Variants in CDKN2AIP observed in about 807,000 individuals in gnomAD.
CDKN2AIP encodes the protein CDKN2A interacting protein.
Under a neutral mutation model 44.1 loss-of-function variants are expected in CDKN2AIP, and 12 were observed. The ratio of observed to expected loss-of-function variants is 0.27; its 90% CI spans 0.17 to 0.44. The LOEUF (loss-of-function observed/expected upper bound fraction) is 0.44. Ranked by LOEUF, CDKN2AIP falls within the 20% of genes least tolerant of loss-of-function variation. CDKN2AIP has a pLI of 1.00. For missense variants in CDKN2AIP, 705 were observed against 681.6 expected (o/e 1.03, Z -0.38); for synonymous variants, 291 against 272.1 (o/e 1.07, Z -0.68).
At position 183,449,064 on chromosome 4, in the gene CDKN2AIP, A is replaced by G. The variant is rs1015412465; in HGVS notation, c.*1637A>G. Reference sequence around the variant, plus strand: ...CAAATAAATTTATATAATATATCCAATTAGGTGGTTTGGTAATTTCCTAAA... The same window carrying G: ...CAAATAAATTTATATAATATATCCAGTTAGGTGGTTTGGTAATTTCCTAAA... On this transcript the variant is annotated 3_prime_UTR_variant, in exon 3 of 3. Transcript: ENST00000504169. Among the ~76,000 whole-genome samples, 1 of 152,144 alleles carries G rather than the reference A, an allele frequency of 6.6e-6. No homozygotes were observed. Among genetic ancestry groups the G allele is most frequent in the Non-Finnish European group, 1.5e-5 (1 of 67,990 alleles).
In CDKN2AIP at chr4:183,446,799, C is replaced by T. The variant is rs1418537653; in HGVS notation, c.1115C>T (p.Ala372Val). The T allele has an allele frequency of 6.2e-7, 1 of 1,614,204 alleles. No individual in the cohort carries two copies. ...TCCCAGGTAGCTGCATCACTACTAG[C>T]TTCCAAGAGCAGCTCCCAGACCAGT... is the stretch of plus-strand genomic sequence containing the variant. Reference protein sequence around the residue: ...STSQVAASLLASKSSSQTSGS... With the variant: ...STSQVAASLLVSKSSSQTSGS... Residue 372 changes from alanine (A) to valine (V), a missense_variant, in exon 3 of 3, where the codon GCT (alanine) becomes GTT (valine). Coordinates refer to ENST00000504169, the MANE Select transcript of CDKN2AIP (RefSeq NM_017632.4).
chr4:183,444,669 T>G lies in CDKN2AIP; in HGVS notation c.-129T>G, dbSNP rs1347088291. 5 of 888,074 alleles carry G rather than the reference T, an allele frequency of 5.6e-6. No homozygotes were observed. The highest frequency in any genetic ancestry group is 3.1e-5 in the East Asian group (1 of 31,768). 55.0% of individuals were successfully genotyped at this position (888,074 alleles called of 1,614,324 possible). On this transcript the variant is annotated 5_prime_UTR_variant, in exon 1 of 3. Transcript: ENST00000504169. ...GTTCGGCGGCTCTGGGCGCTGTTGT[T>G]TGGTCTTTAGGCCTGCGGAGGGGCG...
rs762284526 is a variant in CDKN2AIP at position 183,444,999 on chromosome 4, C to G, written c.202C>G (p.Arg68Gly). ...AGCTGCCGACGCCGAGAGCGGGACC[C>G]GAAACCGGCAGCTGCAGCAGCTCAT... ...DEAADAESGT[R>G]NRQLQQLISF... Residue 68 changes from arginine to glycine, a missense_variant, in exon 1 of 3, where the codon CGA becomes GGA. Arg to Gly is a moderately radical substitution (Grantham distance 125). This residue lies in a region of CDKN2AIP where 592 missense variants were observed against 518.0 expected (regional missense o/e 1.14). Coordinates refer to ENST00000504169, the MANE Select transcript of CDKN2AIP (RefSeq NM_017632.4). 3 of 1,602,998 alleles carry G rather than the reference C, an allele frequency of 1.9e-6. No homozygotes were observed. Among genetic ancestry groups the G allele is most frequent in the Non-Finnish European group, 2.6e-6 (3 of 1,173,598 alleles).
chr4:183,447,690 C>T lies in CDKN2AIP; in HGVS notation c.*263C>T, dbSNP rs1733713038. ...ATACTGTCTTCTATTTTTAATGATA[C>T]ATTAGGTACGATGTGTAGTTCGGTA... is the stretch of plus-strand genomic sequence containing the variant. On this transcript the variant is annotated 3_prime_UTR_variant, in exon 3 of 3. Transcript: ENST00000504169. The T allele has an allele frequency of 3.7e-6, 1 of 268,928 alleles. No individual in the cohort carries two copies. Among genetic ancestry groups the T allele is most frequent in the East Asian group, 6.6e-5 (1 of 15,262 alleles). The allele number at this position is 268,928 out of a possible 1,614,324, so 16.7% of individuals were successfully genotyped here.
rs1733719126 is a variant in CDKN2AIP at position 183,448,001 on chromosome 4, T to A, written c.*574T>A. ...AGTACTTGTTATTTTACTCTGAAGTTGTTTAAAATTCACCATGACTTTGAC... is the reference window on the plus strand; with the variant it reads ...AGTACTTGTTATTTTACTCTGAAGTAGTTTAAAATTCACCATGACTTTGAC... On this transcript the variant is annotated 3_prime_UTR_variant, in exon 3 of 3. Coordinates refer to ENST00000504169, the MANE Select transcript of CDKN2AIP (RefSeq NM_017632.4). 6.6e-6 allele frequency: 1 copy of A among 152,182 alleles called. No homozygotes were observed. The highest frequency in any genetic ancestry group is 1.5e-5 in the Non-Finnish European group (1 of 68,000). 9.4% of individuals were successfully genotyped at this position (152,182 alleles called of 1,614,324 possible).
rs891483492 is a variant in CDKN2AIP, at chr4:183,448,971, T to A, written c.*1544T>A. Among the ~76,000 whole-genome samples, 38 of 152,176 alleles carry A rather than the reference T, an allele frequency of 2.5e-4. No homozygotes were observed. Among genetic ancestry groups the A allele is most frequent in the African/African-American group, 9.2e-4 (38 of 41,438 alleles). Reference sequence around the variant, plus strand: ...GTGAAAGCACTTTTAGTTACCTCACTTTCCTCAGTCTTGGAATGTGTATTT... The same window carrying A: ...GTGAAAGCACTTTTAGTTACCTCACATTCCTCAGTCTTGGAATGTGTATTT... On this transcript the variant is annotated 3_prime_UTR_variant, in exon 3 of 3. Coordinates refer to ENST00000504169, the MANE Select transcript of CDKN2AIP (RefSeq NM_017632.4).
chr4:183,447,604 G>A lies in CDKN2AIP; in HGVS notation c.*177G>A. On this transcript the variant is annotated 3_prime_UTR_variant, in exon 3 of 3. Transcript: ENST00000504169. The stretch of plus-strand genomic sequence containing the variant: ...AGTTGTAAATAATTTATGAATGACA[G>A]TACACATTAAAAGGTATGCATTAGC... 1 of 487,222 alleles carries A rather than the reference G, an allele frequency of 2.1e-6. No individual in the cohort carries two copies. The highest frequency in any genetic ancestry group is 3.6e-6 in the Non-Finnish European group (1 of 277,008). The allele number at this position is 487,222 out of a possible 1,614,324, so 30.2% of individuals were successfully genotyped here. A position where few individuals can be genotyped will look rare whatever the true frequency, so the allele number is the denominator to read the frequency against.
Position 183,444,724 on chromosome 4 carries a change from A to C in CDKN2AIP, c.-74A>C, listed in dbSNP as rs1469849174. The C allele has an allele frequency of 2.8e-6, 4 of 1,410,816 alleles. No homozygotes were observed. Among genetic ancestry groups the C allele is most frequent in the Non-Finnish European group, 3.7e-6 (4 of 1,068,364 alleles). 87.4% of individuals were successfully genotyped at this position (1,410,816 alleles called of 1,614,324 possible). A position where few individuals can be genotyped will look rare whatever the true frequency, so the allele number is the denominator to read the frequency against. On this transcript the variant is annotated 5_prime_UTR_variant, in exon 1 of 3. Transcript: ENST00000504169. ...CTGGAGGGCCGCGGGTGCAGGCCGC[A>C]GTGACAGGGCCGCTCGCCCCGCTAG... is the stretch of plus-strand genomic sequence containing the variant.
At position 183,445,980 on chromosome 4, in the gene CDKN2AIP, G is replaced by C. The variant is rs1733657069; in HGVS notation, c.404-108G>C. 3.3e-6 allele frequency: 3 copies of C among 916,738 alleles called. No individual in the cohort carries two copies. The South Asian group carries it at 5.1e-5, about 15-fold the overall frequency. 56.8% of individuals were successfully genotyped at this position (916,738 alleles called of 1,614,324 possible). ...TCCACACTTTTTAAAGAAACGATTA[G>C]TCTTGAAATGTTTTCACTTTGTGCC... On this transcript the variant is annotated intron_variant, in intron 2 of 2. Coordinates refer to ENST00000504169, the MANE Select transcript of CDKN2AIP (RefSeq NM_017632.4).
Position 183,446,593 on chromosome 4 carries a change from G to T in CDKN2AIP, c.909G>T (p.Leu303Phe). ...LGSSGSSEVE[L>F]PLLSSKPSSE... ...CCTCAGGAAGCTCAGAGGTAGAATT[G>T]CCACTATTGTCTTCCAAACCTAGTT... The change falls in exon 3 of 3, where the codon TTG becomes TTT. Residue 303 changes from leucine to phenylalanine, a missense_variant. This residue lies in a region of CDKN2AIP where 592 missense variants were observed against 518.0 expected (regional missense o/e 1.14). Transcript: ENST00000504169. 4.3e-6 allele frequency: 7 copies of T among 1,614,080 alleles called. No individual in the cohort carries two copies. The highest frequency in any genetic ancestry group is 5.1e-6 in the Non-Finnish European group (6 of 1,179,936).
At position 183,445,733 on chromosome 4, in the gene CDKN2AIP, T is replaced by G. The variant is rs1053945880; in HGVS notation, c.403+68T>G. On this transcript the variant is annotated intron_variant, in intron 2 of 2. Coordinates refer to ENST00000504169, the MANE Select transcript of CDKN2AIP (RefSeq NM_017632.4). ...ATAAGTTTGATATAATTAGGAATTA[T>G]TGTTACTAATTTTTTTAACAAGCCA... The G allele has an allele frequency of 8.0e-5, 108 of 1,347,214 alleles. No homozygotes were observed. In the Middle Eastern group the frequency reaches 9.2e-4, roughly 11 times the overall value. The allele number at this position is 1,347,214 out of a possible 1,614,324, so 83.5% of individuals were successfully genotyped here. A position where few individuals can be genotyped will look rare whatever the true frequency, so the allele number is the denominator to read the frequency against.
In CDKN2AIP at chr4:183,446,302, A is replaced by G. The variant is rs1733670846; in HGVS notation, c.618A>G (p.Gly206=). ...ISSQNSSTSD[G]DRSVSSQSSS... ...GTCAGAATAGCTCTACAAGTGATGG[A>G]GATCGATCTGTTTCCAGCCAAAGCA... The change falls in exon 3 of 3, where the codon GGA becomes GGG. Residue 206 remains glycine, a synonymous_variant. Transcript: ENST00000504169. 6.2e-7 allele frequency: 1 copy of G among 1,613,942 alleles called. No individual in the cohort carries two copies. Among genetic ancestry groups the G allele is most frequent in the Non-Finnish European group, 8.5e-7 (1 of 1,179,932 alleles).
rs1733679149 is a variant in CDKN2AIP at position 183,446,372 on chromosome 4, GCTT to G, written c.691_693del (p.Ser231del). On this transcript the variant is annotated inframe_deletion, in exon 3 of 3. Transcript: ENST00000504169. The stretch of plus-strand genomic sequence containing the variant: ...GGTAACAACGGCAGGATCTGGGAAA[GCTT>G]CTGAAGCAGAAGCTCCAGATAAACA... 1.2e-6 allele frequency: 2 copies of G among 1,611,540 alleles called. No individual in the cohort carries two copies. Among genetic ancestry groups the G allele is most frequent in the Non-Finnish European group, 1.7e-6 (2 of 1,178,838 alleles).
rs1186458327 is a variant in CDKN2AIP, at chr4:183,447,929, A to G, written c.*502A>G. 2 of 152,278 alleles carry G rather than the reference A, an allele frequency of 1.3e-5. No individual in the cohort carries two copies. Among genetic ancestry groups the G allele is most frequent in the African/African-American group, 4.8e-5 (2 of 41,466 alleles). The allele number at this position is 152,278 out of a possible 1,614,324, so 9.4% of individuals were successfully genotyped here. A position where few individuals can be genotyped will look rare whatever the true frequency, so the allele number is the denominator to read the frequency against. ...AAAGAAAAAATAGTTGCTTCAAACTATTTTTATGAGAAGTTGTAAGCATTT... is the reference window on the plus strand; with the variant it reads ...AAAGAAAAAATAGTTGCTTCAAACTGTTTTTATGAGAAGTTGTAAGCATTT... On this transcript the variant is annotated 3_prime_UTR_variant, in exon 3 of 3. Transcript: ENST00000504169.
rs1246008100 is a variant in CDKN2AIP, at chr4:183,447,524, GCTTT to G, written c.*98_*101del. The stretch of plus-strand genomic sequence containing the variant: ...CACAGGCTTTCACAAATTTTGTATT[GCTTT>G]TTTTCCAGTTTTGCAGAAAATTTAC... On this transcript the variant is annotated 3_prime_UTR_variant, in exon 3 of 3. Transcript: ENST00000504169. 2.3e-6 allele frequency: 2 copies of G among 862,886 alleles called. No individual in the cohort carries two copies. The highest frequency in any genetic ancestry group is 3.5e-6 in the Non-Finnish European group (2 of 570,944). The allele number at this position is 862,886 out of a possible 1,614,324, so 53.5% of individuals were successfully genotyped here. A position where few individuals can be genotyped will look rare whatever the true frequency, so the allele number is the denominator to read the frequency against.
rs759838805 is a variant in CDKN2AIP, at chr4:183,447,363, TTGA to T, written c.1683_1685del (p.Asp561del). 1 of 1,586,244 alleles carries T rather than the reference TTGA, an allele frequency of 6.3e-7. No homozygotes were observed. Among genetic ancestry groups the T allele is most frequent in the Non-Finnish European group, 8.5e-7 (1 of 1,169,612 alleles). On this transcript the variant is annotated inframe_deletion, in exon 3 of 3. Coordinates refer to ENST00000504169, the MANE Select transcript of CDKN2AIP (RefSeq NM_017632.4). The stretch of plus-strand genomic sequence containing the variant: ...AGTGAAATAGAAGATCTAGTACTCC[TTGA>T]TGAAGAATCGAGGCCTGTAAACTTA...
chr4:183,446,991 A>G lies in CDKN2AIP; in HGVS notation c.1307A>G (p.Lys436Arg). The G allele has an allele frequency of 6.2e-7, 1 of 1,614,152 alleles. No individual in the cohort carries two copies. Among genetic ancestry groups the G allele is most frequent in the Non-Finnish European group, 8.5e-7 (1 of 1,179,950 alleles). The change falls in exon 3 of 3, where the codon AAG becomes AGG. Residue 436 changes from lysine to arginine, a missense_variant. Physicochemically the swap from Lys to Arg is conservative, Grantham distance 26. This residue lies in a region of CDKN2AIP where 113 missense variants were observed against 163.6 expected (regional missense o/e 0.69). Transcript: ENST00000504169. ...TTAACCAATGAAGATGTGAAACAGA[A>G]GCAACCTTTTTTCAATAGACTATAT... ...CKLTNEDVKQ[K>R]QPFFNRLYKT...
chr4:183,446,943 G>A lies in CDKN2AIP; in HGVS notation c.1259G>A (p.Ser420Asn), dbSNP rs1212590383. The A allele has an allele frequency of 1.2e-6, 2 of 1,614,198 alleles. No homozygotes were observed. Among genetic ancestry groups the A allele is most frequent in the Non-Finnish European group, 1.7e-6 (2 of 1,180,038 alleles). ...AAAAGTACTTCACAGTCAAGTGAGA[G>A]TTCTGTCAAATTCTCTTGCAAGTTA... ...PSKSTSQSSE[S>N]SVKFSCKLTN... Residue 420 changes from serine (S) to asparagine (N), a missense_variant, in exon 3 of 3, where the codon AGT becomes AAT. Physicochemically the swap from Ser to Asn is conservative, Grantham distance 46 (BLOSUM62 1). Transcript: ENST00000504169.
Position 183,444,659 on chromosome 4 carries a change from G to T in CDKN2AIP, c.-139G>T, listed in dbSNP as rs1017337193. On this transcript the variant is annotated 5_prime_UTR_variant, in exon 1 of 3. Transcript: ENST00000504169. ...GAAGTGGGCGGTTCGGCGGCTCTGG[G>T]CGCTGTTGTTTGGTCTTTAGGCCTG... is the stretch of plus-strand genomic sequence containing the variant. 6.4e-6 allele frequency: 5 copies of T among 776,338 alleles called. No individual in the cohort carries two copies. Among genetic ancestry groups the T allele is most frequent in the African/African-American group, 5.5e-5 (3 of 54,342 alleles). 48.1% of individuals were successfully genotyped at this position (776,338 alleles called of 1,614,324 possible).
Sources: allele counts gnomAD v4.1 joint callset (sites outside exome capture counted in the v4.1 genomes callset), GRCh38; gene constraint gnomAD v4.1.1; regional missense constraint gnomAD v4.1.1; transcripts MANE v1.5; gene names NCBI Gene and HGNC (gene_info 2026-07-23, HGNC 2026-07-21).